The following KCNIP4 variants were observed in gnomAD, a reference collection of about 807,000 sequenced individuals.
KCNIP4 encodes the protein potassium voltage-gated channel interacting protein 4.
KCNIP4 carries 12 observed loss-of-function variants against 34.0 expected under a neutral mutation model. That is an observed-to-expected ratio of 0.35 (90% CI 0.23 to 0.57). The LOEUF is 0.57. Among genes scored for constraint, KCNIP4 ranks in the 20% least tolerant of loss-of-function variants. The probability of loss-of-function intolerance (pLI) is 0.83; values close to 1 mark genes in which losing one functional copy is unlikely to be tolerated. For missense variants in KCNIP4, 238 were observed against 311.7 expected (o/e 0.76, Z 1.78); for synonymous variants, 124 against 102.2 (o/e 1.21, Z -1.29).
chr4:21,615,243 A>T (rs978278003), intron 1 of KCNIP4, among the ~76,000 whole-genome samples: 1 of 152,142 alleles, frequency 6.6e-6, no homozygotes, highest in African/African-American at 2.4e-5. Flanking sequence ...TAACTTTAAA[A>T]ACATACATCA....
At chr4:21,008,917 C>G (rs2149728957) in intron 1 of KCNIP4, among the ~76,000 whole-genome samples, 1 of 152,164 alleles carries the variant, frequency 6.6e-6, no homozygotes, top group South Asian at 2.1e-4. Context: ...GCACTTTGTT[C>G]TTAGACTCCC....
At chr4:21,373,833 G>C (rs1437549116) in intron 1 of KCNIP4, among the ~76,000 whole-genome samples, 1 of 146,782 alleles carries the variant, frequency 6.8e-6, no homozygotes, top group Non-Finnish European at 1.5e-5. Context: ...AGCCTCCCGA[G>C]TAACTGGGAT....
chr4:21,606,928 T>A (rs930888143), intron 1 of KCNIP4, among the ~76,000 whole-genome samples: 2 of 152,162 alleles, frequency 1.3e-5, no homozygotes, highest in African/African-American at 4.8e-5. Flanking sequence ...CAATCTTCCC[T>A]CTGACTCACT....
intron 1 of KCNIP4, among the ~76,000 whole-genome samples, chr4:21,619,130 T>C (rs749023586): frequency 2.0e-5 from 3 of 151,398 alleles, no homozygotes; most frequent in Non-Finnish European, 3.0e-5. Flanking sequence ...ACAGCAAAGA[T>C]AGAAGTTAGT....
intron 1 of KCNIP4, among the ~76,000 whole-genome samples, chr4:21,024,147 A>G (rs1333797730): frequency 6.6e-6 from 1 of 152,230 alleles, no homozygotes; most frequent in Admixed American, 6.5e-5. Context: ...TACTGACAAA[A>G]TTTAACAAAT....
intron 1 of KCNIP4, among the ~76,000 whole-genome samples, chr4:21,589,848 T>C (rs946741095): frequency 2.0e-5 from 3 of 152,002 alleles, no homozygotes; most frequent in African/African-American, 7.2e-5. Flanking sequence ...ACCAAGCACC[T>C]GTTTAGTTAA....
At chr4:21,199,611 G>A (rs1756320532) in intron 1 of KCNIP4, among the ~76,000 whole-genome samples, 2 of 152,148 alleles carry the variant, frequency 1.3e-5, no homozygotes, top group Non-Finnish European at 2.9e-5. Flanking sequence ...TGTTGCCATT[G>A]CTTTTGGTGT....
intron 1 of KCNIP4, among the ~76,000 whole-genome samples, chr4:21,346,182 A>C (rs1339204261): frequency 1.0e-4 from 10 of 98,856 alleles, no homozygotes; most frequent in Non-Finnish European, 1.7e-4. Flanking sequence ...TGTAATATAT[A>C]TTATATATAT....
intron 3 of KCNIP4, among the ~76,000 whole-genome samples, chr4:20,848,396 T>G (rs1720626250): frequency 1.5e-5 from 2 of 136,934 alleles, no homozygotes; most frequent in African/African-American, 2.8e-5. Flanking sequence ...AAATAAGAGG[T>G]GGGGTCAGAA....
intron 1 of KCNIP4, among the ~76,000 whole-genome samples, chr4:21,191,547 T>C (rs983339833): frequency 1.3e-5 from 2 of 152,120 alleles, no homozygotes; most frequent in East Asian, 1.9e-4. Flanking sequence ...AAGATGGTGG[T>C]TACATGAGCA....
chr4:21,291,653 T>A (rs1164118598), intron 1 of KCNIP4, among the ~76,000 whole-genome samples: 1 of 150,676 alleles, frequency 6.6e-6, no homozygotes, highest in African/African-American at 2.4e-5. Context: ...ATCGAGACCA[T>A]CCTGGATAAC....
At chr4:21,753,134 A>G (rs1936835606) in intron 1 of KCNIP4, among the ~76,000 whole-genome samples, 1 of 152,182 alleles carries the variant, frequency 6.6e-6, no homozygotes, top group African/African-American at 2.4e-5. Flanking sequence ...TGTTTGAGTG[A>G]GTGTTTCCAA....
chr4:20,806,298 GT>G (rs1292906283), intron 3 of KCNIP4, among the ~76,000 whole-genome samples: 4 of 151,660 alleles, frequency 2.6e-5, no homozygotes, highest in African/African-American at 7.3e-5. Flanking sequence ...AGATCTGCTA[GT>G]TTCCATTTCA....
intron 1 of KCNIP4, among the ~76,000 whole-genome samples, chr4:21,620,075 G>A (rs1429235021): frequency 6.6e-6 from 1 of 152,188 alleles, no homozygotes; most frequent in Non-Finnish European, 1.5e-5. Flanking sequence ...TAGGCCCAAG[G>A]GGCAGCATGA....
At chr4:21,522,242 A>C (rs1274467453) in intron 1 of KCNIP4, among the ~76,000 whole-genome samples, 1 of 152,172 alleles carries the variant, frequency 6.6e-6, no homozygotes, top group African/African-American at 2.4e-5. Context: ...AGGAAAAAAA[A>C]AATTGCAGGC....
At chr4:21,078,936 C>T (rs1745756297) in intron 1 of KCNIP4, among the ~76,000 whole-genome samples, 1 of 152,090 alleles carries the variant, frequency 6.6e-6, no homozygotes, top group Non-Finnish European at 1.5e-5. Flanking sequence ...AGAGCCTGGG[C>T]TGTCCTCTTT....
intron 1 of KCNIP4, among the ~76,000 whole-genome samples, chr4:20,906,081 CTTCCT>C (rs1232827248): frequency 7.5e-6 from 1 of 134,162 alleles, no homozygotes. Flanking sequence ...TCCCTCCTTT[CTTCCT>C]TTCTTTTCTT....
chr4:21,904,985 T>G (rs903479526), intron 1 of KCNIP4, among the ~76,000 whole-genome samples: 1 of 152,214 alleles, frequency 6.6e-6, no homozygotes, highest in African/African-American at 2.4e-5. Flanking sequence ...TGTTAGTGAT[T>G]AATTTTTACC....
At chr4:21,266,738 C>T (rs909175866) in intron 1 of KCNIP4, among the ~76,000 whole-genome samples, 1 of 152,168 alleles carries the variant, frequency 6.6e-6, no homozygotes, top group Non-Finnish European at 1.5e-5. Context: ...GAAAATAAAG[C>T]ACACAAGATG....
Sources: gnomAD v4.1 joint callset for allele counts (sites outside exome capture counted in the v4.1 genomes callset) on GRCh38, gnomAD v4.1.1 for gene constraint, MANE v1.5 for transcripts, NCBI Gene and HGNC (gene_info 2026-07-23, HGNC 2026-07-21) for gene names.